The following PARD3 variants were observed in gnomAD, a reference collection of about 807,000 sequenced individuals.
The protein encoded by PARD3 is partitioning defective 3 homolog.
PARD3 carries 75 observed loss-of-function variants against 155.4 expected under a neutral mutation model. The observed-to-expected ratio is 0.48, with a 90% CI of 0.40 to 0.58. The LOEUF is 0.58. Ranked by LOEUF, PARD3 falls within the 20% of genes least tolerant of loss-of-function variation. PARD3 has a pLI of 0.00. For missense variants in PARD3, 1,642 were observed against 1,721.7 expected (o/e 0.95, Z 0.82); for synonymous variants, 576 against 610.5 (o/e 0.94, Z 0.83).
At chr10:34,293,492 T>C (rs1956770304) in intron 20 of PARD3, among the ~76,000 whole-genome samples, 1 of 152,148 alleles carries the variant, frequency 6.6e-6, no homozygotes, top group Non-Finnish European at 1.5e-5. Flanking sequence ...ATACTATATA[T>C]ATACTTTAAA....
chr10:34,528,659 G>A (rs2082633798), intron 2 of PARD3, among the ~76,000 whole-genome samples: 2 of 152,168 alleles, frequency 1.3e-5, no homozygotes, highest in African/African-American at 2.4e-5. Flanking sequence ...AGTTTCAAGA[G>A]ACTGAGGTAA....
At chr10:34,809,253 GCTTT>G (rs1283377925) in intron 1 of PARD3, among the ~76,000 whole-genome samples, 1 of 152,190 alleles carries the variant, frequency 6.6e-6, no homozygotes, top group Admixed American at 6.5e-5. Context: ...TTGATTCTCA[GCTTT>G]CTATTTACTC....
At chr10:34,238,973 T>C (rs891810256) in intron 22 of PARD3, among the ~76,000 whole-genome samples, 1 of 152,204 alleles carries the variant, frequency 6.6e-6, no homozygotes, top group Non-Finnish European at 1.5e-5. Flanking sequence ...TTCTTCCTCA[T>C]GCCACCAGTT....
chr10:34,136,506 AAAGT>A (rs1414404904), intron 22 of PARD3, among the ~76,000 whole-genome samples: 1 of 152,112 alleles, frequency 6.6e-6, no homozygotes, highest in Non-Finnish European at 1.5e-5. Context: ...CTCTTTTTTT[AAAGT>A]AAGGTGGTCT....
At chr10:34,453,499 G>A (rs116106642) in intron 4 of PARD3, among the ~76,000 whole-genome samples, 2,449 of 152,188 alleles carry the variant, frequency 0.016, 62 homozygotes, top group African/African-American at 0.056. Context: ...TATTTTTTAT[G>A]TTCCCTATTT....
At chr10:34,570,554 G>A (rs77337509) in intron 2 of PARD3, among the ~76,000 whole-genome samples, 3,736 of 152,270 alleles carry the variant, frequency 0.025, 148 homozygotes, top group African/African-American at 0.086. Flanking sequence ...CTTAGGAGCT[G>A]TGGCCTGGTC....
intron 22 of PARD3, among the ~76,000 whole-genome samples, chr10:34,191,765 C>T (rs1039142356): frequency 6.6e-6 from 1 of 152,232 alleles, no homozygotes; most frequent in Non-Finnish European, 1.5e-5. Flanking sequence ...TCCAACTCCC[C>T]AGTGAAGAAC....
chr10:34,167,420 C>T (rs1012591266), intron 22 of PARD3, among the ~76,000 whole-genome samples: 3 of 151,896 alleles, frequency 2.0e-5, no homozygotes, highest in Non-Finnish European at 1.5e-5. Context: ...TAATGGTCTA[C>T]ACTAGGAACA....
At chr10:34,706,578 A>G (rs1332771962) in intron 1 of PARD3, among the ~76,000 whole-genome samples, 1 of 151,992 alleles carries the variant, frequency 6.6e-6, no homozygotes, top group Non-Finnish European at 1.5e-5. Context: ...CCCTGTCTCT[A>G]TAAAATACAG....
intron 5 of PARD3, among the ~76,000 whole-genome samples, chr10:34,404,702 A>G (rs917073225): frequency 1.3e-5 from 2 of 152,070 alleles, no homozygotes; most frequent in African/African-American, 4.8e-5. Context: ...GTGAATAGCA[A>G]TTCTATCATT....
At chr10:34,750,355 GAA>G (rs200327131) in intron 1 of PARD3, among the ~76,000 whole-genome samples, 15 of 129,068 alleles carry the variant, frequency 1.2e-4, no homozygotes, top group Admixed American at 3.1e-4. Flanking sequence ...AGCAAAAGCA[GAA>G]AAGAGTGATT....
chr10:34,262,536 G>A (rs976754523), intron 22 of PARD3, among the ~76,000 whole-genome samples: 3 of 152,178 alleles, frequency 2.0e-5, no homozygotes, highest in African/African-American at 7.2e-5. Flanking sequence ...AAAATGTGGG[G>A]ATTATAGATG....
intron 2 of PARD3, among the ~76,000 whole-genome samples, chr10:34,654,088 A>G (rs549484360): frequency 6.6e-6 from 1 of 152,004 alleles, no homozygotes; most frequent in South Asian, 2.1e-4. Context: ...TAAACTGACA[A>G]CCTTTATACA....
At chr10:34,814,097 G>C (rs1033742238) in intron 1 of PARD3, among the ~76,000 whole-genome samples, 2 of 152,184 alleles carry the variant, frequency 1.3e-5, no homozygotes, top group South Asian at 4.1e-4. Context: ...GCCCGGGATA[G>C]GTAGGAGCTG....
At chr10:34,318,912 C>T (rs1958190555) in intron 19 of PARD3, among the ~76,000 whole-genome samples, 1 of 151,242 alleles carries the variant, frequency 6.6e-6, no homozygotes. Context: ...ATTACAGGCG[C>T]CCACCACCAC....
At chr10:34,242,752 G>A (rs1953689059) in intron 22 of PARD3, among the ~76,000 whole-genome samples, 1 of 152,092 alleles carries the variant, frequency 6.6e-6, no homozygotes. Flanking sequence ...TGACCAACAT[G>A]GTGAAACTCT....
intron 5 of PARD3, among the ~76,000 whole-genome samples, chr10:34,431,694 C>G (rs184153690): frequency 4.9e-4 from 64 of 130,954 alleles, no homozygotes; most frequent in African/African-American, 1.7e-3. Flanking sequence ...GAGCCAAGAT[C>G]ACACCACTGC....
At position 34,315,258 on chromosome 10, in the gene PARD3, A is replaced by G. The variant is rs569724113; in HGVS notation, c.3065+1849T>C. On this transcript the variant is annotated intron_variant, in intron 20 of 24. Transcript: ENST00000374788. ...TGTTCTTCAAGGTCCCTTAGAAACA[A>G]TACACATTTCTCCCACACTCTGCTC... 2.6e-5 allele frequency among the ~76,000 whole-genome samples: 4 copies of G among 152,296 alleles called. No homozygotes were observed. In the East Asian group the frequency reaches 7.7e-4, roughly 29 times the overall value.
chr10:34,787,365 T>G (rs928243671), intron 1 of PARD3, among the ~76,000 whole-genome samples: 3 of 151,896 alleles, frequency 2.0e-5, no homozygotes, highest in African/African-American at 7.3e-5. Flanking sequence ...GGCAACAGAG[T>G]GAGACTCCAT....
Sources: gnomAD v4.1 joint callset for allele counts (sites outside exome capture counted in the v4.1 genomes callset) on GRCh38, gnomAD v4.1.1 for gene constraint, MANE v1.5 for transcripts, NCBI Gene and HGNC (gene_info 2026-07-23, HGNC 2026-07-21) for gene names.